The following DAB1 variants were observed in gnomAD, a reference collection of about 807,000 sequenced individuals.
DAB1 encodes the protein disabled homolog 1.
DAB1 carries 15 observed loss-of-function variants against 64.6 expected under a neutral mutation model. The ratio of observed to expected loss-of-function variants is 0.23; its 90% CI spans 0.16 to 0.36. DAB1 has a LOEUF of 0.36. Among genes scored for constraint, DAB1 ranks in the 10% least tolerant of loss-of-function variants. DAB1 has a pLI of 1.00. For synonymous variants in DAB1, 235 were observed against 251.9 expected (o/e 0.93, Z 0.64); for missense variants, 596 against 706.7 (o/e 0.84, Z 1.78).
chr1:57,357,285 GA>G (rs1486429898), intron 1 of DAB1, among the ~76,000 whole-genome samples: 1 of 151,950 alleles, frequency 6.6e-6, no homozygotes, highest in Non-Finnish European at 1.5e-5. Context: ...GACAACAACT[GA>G]AAAGGCTCTG....
chr1:58,529,480 TTATACA>T (rs1402530396), intron 1 of DAB1, among the ~76,000 whole-genome samples: 1 of 152,240 alleles, frequency 6.6e-6, no homozygotes, highest in African/African-American at 2.4e-5. Context: ...GAGATGATTA[TTATACA>T]TAAGCACTAA....
Position 57,245,119 on chromosome 1 carries a change from G to A in DAB1, c.67+45845C>T, listed in dbSNP as rs1021137840. ...GATAGGGATATGGAAATGAAGTCCA[G>A]GCTGAGGTGGTCTCAGGTGGAGATG... On this transcript the variant is annotated intron_variant, in intron 2 of 14. Transcript: ENST00000371236. Among the ~76,000 whole-genome samples, 7 of 152,202 alleles carry A rather than the reference G, an allele frequency of 4.6e-5. 1 individual carries two copies. The highest frequency in any genetic ancestry group is 1.7e-4 in the African/African-American group (7 of 41,458).
intron 5 of DAB1, among the ~76,000 whole-genome samples, chr1:57,996,554 C>T (rs539369229): frequency 1.8e-4 from 27 of 152,110 alleles, no homozygotes; most frequent in Non-Finnish European, 3.4e-4. Context: ...TTGCTTTGAT[C>T]CTTTCTGGTT....
chr1:57,736,920 A>G (rs1239632583), intron 6 of DAB1, among the ~76,000 whole-genome samples: 2 of 152,200 alleles, frequency 1.3e-5, no homozygotes, highest in African/African-American at 4.8e-5. Flanking sequence ...AGGAAGAGAC[A>G]ACCTAGGTGT....
chr1:58,288,147 C>T (rs1231472194), intron 4 of DAB1, among the ~76,000 whole-genome samples: 2 of 151,092 alleles, frequency 1.3e-5, no homozygotes, highest in African/African-American at 2.4e-5. Flanking sequence ...AAATAGTATA[C>T]ACAAAGAACA....
chr1:57,621,398 T>G (rs1251105364), intron 7 of DAB1, among the ~76,000 whole-genome samples: 1 of 149,722 alleles, frequency 6.7e-6, no homozygotes, highest in Non-Finnish European at 1.5e-5. Flanking sequence ...TGCGTGGGGG[T>G]GGGGAAGAGG....
intron 4 of DAB1, among the ~76,000 whole-genome samples, chr1:58,192,419 C>T (rs377286576): frequency 2.6e-5 from 4 of 152,154 alleles, no homozygotes; most frequent in Admixed American, 6.5e-5. Flanking sequence ...ACCTCTCCCC[C>T]ACCCTTCCAT....
intron 4 of DAB1, among the ~76,000 whole-genome samples, chr1:58,213,195 G>A (rs1658647407): frequency 6.6e-6 from 1 of 152,140 alleles, no homozygotes; most frequent in Non-Finnish European, 1.5e-5. Flanking sequence ...ATGGCTTCAG[G>A]CAACTGATTC....
chr1:57,065,114 C>T (rs528818348), intron 8 of DAB1, among the ~76,000 whole-genome samples: 1 of 152,242 alleles, frequency 6.6e-6, no homozygotes, highest in African/African-American at 2.4e-5. Context: ...TCAAACTGTG[C>T]ATAATTGAAA....
At chr1:58,037,999 C>G (rs1403056737) in intron 5 of DAB1, among the ~76,000 whole-genome samples, 1 of 152,126 alleles carries the variant, frequency 6.6e-6, no homozygotes, top group Non-Finnish European at 1.5e-5. Context: ...GTGTATGAGC[C>G]ATTATAAATT....
rs147060575 is a variant in DAB1, at chr1:57,457,149, C to G, written n.626-165983G>C. Among the ~76,000 whole-genome samples the G allele has an allele frequency of 3.4e-3, 515 of 152,254 alleles. 4 individuals carry two copies. Among genetic ancestry groups the G allele is most frequent in the African/African-American group, 0.011 (475 of 41,550 alleles). ...TGAGCACTGCTCCTCATCTACACTT[C>G]ATCTTATCAGAGTATCAGAGACCCT... On this transcript the variant is annotated intron_variant and non_coding_transcript_variant, in intron 7 of 20. Transcript: ENST00000485760.
chr1:57,760,212 T>C (rs370728898), intron 6 of DAB1, among the ~76,000 whole-genome samples: 2 of 152,114 alleles, frequency 1.3e-5, no homozygotes, highest in Non-Finnish European at 2.9e-5. Context: ...TGGCTTTGAA[T>C]TGCTAATAAG....
chr1:57,144,256 T>C (rs513259), intron 3 of DAB1, among the ~76,000 whole-genome samples: 1 of 151,996 alleles, frequency 6.6e-6, no homozygotes, highest in Admixed American at 6.6e-5. Context: ...GATATTTGTA[T>C]ACTTCTTGCT....
chr1:57,761,974 A>C (rs1649109662), intron 6 of DAB1, among the ~76,000 whole-genome samples: 1 of 152,214 alleles, frequency 6.6e-6, no homozygotes, highest in South Asian at 2.1e-4. Flanking sequence ...CCGTGCCCAC[A>C]GAACACTGGC....
At chr1:57,569,699 A>G (rs1645170615) in intron 7 of DAB1, among the ~76,000 whole-genome samples, 1 of 152,168 alleles carries the variant, frequency 6.6e-6, no homozygotes, top group Non-Finnish European at 1.5e-5. Context: ...ATACATATGT[A>G]ACAAACCTGC....
intron 2 of DAB1, among the ~76,000 whole-genome samples, chr1:57,146,156 C>T (rs11802724): frequency 0.013 from 1,933 of 152,260 alleles, 31 homozygotes; most frequent in African/African-American, 0.044. Context: ...ACTGAGCAAG[C>T]GCTTCATGCC....
intron 5 of DAB1, among the ~76,000 whole-genome samples, chr1:58,076,138 A>C (rs1031440693): frequency 2.0e-5 from 3 of 152,188 alleles, no homozygotes; most frequent in Admixed American, 2.0e-4. Flanking sequence ...GATATATAAT[A>C]ATAGTAACTA....
At chr1:57,134,199 C>T (rs575800701) in intron 4 of DAB1, among the ~76,000 whole-genome samples, 4 of 152,252 alleles carry the variant, frequency 2.6e-5, no homozygotes, top group African/African-American at 7.2e-5. Context: ...AAACAGAAAC[C>T]ACCTCCTAAA....
chr1:57,633,830 G>T (rs1157778418), intron 7 of DAB1, among the ~76,000 whole-genome samples: 1 of 152,190 alleles, frequency 6.6e-6, no homozygotes, highest in Non-Finnish European at 1.5e-5. Flanking sequence ...TAAGAAGAAA[G>T]AGAATAGGTA....
Sources: gnomAD v4.1 joint callset for allele counts (sites outside exome capture counted in the v4.1 genomes callset) on GRCh38, gnomAD v4.1.1 for gene constraint, MANE v1.5 for transcripts, NCBI Gene and HGNC (gene_info 2026-07-23, HGNC 2026-07-21) for gene names.